The following ACER1 variants were observed in gnomAD, a reference collection of about 807,000 sequenced individuals.
ACER1 encodes CTB-180A7.3.
A neutral mutation model predicts 24.9 loss-of-function variants in ACER1; 28 were observed. That is an observed-to-expected ratio of 1.13 (90% CI 0.83 to 1.54). The LOEUF is 1.54. Ranked by LOEUF, ACER1 falls within the 40% of genes most tolerant of loss-of-function variation. The probability of loss-of-function intolerance (pLI) is 0.00; values close to 1 mark genes in which losing one functional copy is unlikely to be tolerated. For missense variants in ACER1, 352 were observed against 349.3 expected, an observed-to-expected ratio of 1.01 and a Z score of -0.06; for synonymous variants, 132 against 131.4, an observed-to-expected ratio of 1.00 and a Z score of -0.03.
the ACER1 span, among the ~76,000 whole-genome samples, chr19:6,351,690 G>C: frequency 6.6e-6 from 1 of 152,002 alleles, no homozygotes; most frequent in South Asian, 2.1e-4. Context: ...CTGTGATTGC[G>C]CTACTGCACT....
the ACER1 span, among the ~76,000 whole-genome samples, chr19:6,348,465 G>GAAAAAA: frequency 5.9e-5 from 6 of 101,898 alleles, no homozygotes; most frequent in African/African-American, 1.8e-4. Context: ...ACTCCATCTG[G>GAAAAAA]AAAAAAAAAA....
Position 6,326,858 on chromosome 19 carries a change from C to T in ACER1, c.93+6601G>A, listed in dbSNP as rs894203627. Among the ~76,000 whole-genome samples, 6 of 148,468 alleles carry T rather than the reference C, an allele frequency of 4.0e-5. No individual in the cohort carries two copies. In the Admixed American group the frequency reaches 4.1e-4, roughly 10 times the overall value. ...CAACATTCTAACCAAGCATGCGAAC[C>T]GTTACGTCTTCATCTCTCCCCACAT... On this transcript the variant is annotated intron_variant, in intron 1 of 5. Transcript: ENST00000301452.
At chr19:6,333,051 C>T (rs1431885253) in intron 1 of ACER1, among the ~76,000 whole-genome samples, 1 of 152,054 alleles carries the variant, frequency 6.6e-6, no homozygotes, top group Non-Finnish European at 1.5e-5. Flanking sequence ...CAGCTGCAAA[C>T]AAGACAGACA....
chr19:6,336,819 CAAA>C (rs57500077), upstream of ACER1, among the ~76,000 whole-genome samples: 5 of 67,770 alleles, frequency 7.4e-5, no homozygotes, highest in Admixed American at 1.8e-4. Flanking sequence ...GACCCCGACT[CAAA>C]AAAAAAAAAA....
chr19:6,346,856 T>A, the ACER1 span, among the ~76,000 whole-genome samples: 508 of 151,858 alleles, frequency 3.3e-3, 2 homozygotes, highest in Non-Finnish European at 5.4e-3. Context: ...GGGGAGGAGG[T>A]TCTCTGCCCA....
chr19:6,311,087 GT>G (rs1048179639), intron 3 of ACER1, among the ~76,000 whole-genome samples: 2 of 151,842 alleles, frequency 1.3e-5, no homozygotes, highest in African/African-American at 4.8e-5. Context: ...CAGGCAAGGA[GT>G]TCAGGGGATC....
chr19:6,332,360 T>C (rs577554103), intron 1 of ACER1, among the ~76,000 whole-genome samples: 113 of 148,626 alleles, frequency 7.6e-4, no homozygotes, highest in Non-Finnish European at 1.5e-3. Flanking sequence ...ATCCTCCACT[T>C]CTTGGGTTCA....
chr19:6,344,316 C>T, the ACER1 span, among the ~76,000 whole-genome samples: 1 of 151,168 alleles, frequency 6.6e-6, no homozygotes, highest in Non-Finnish European at 1.5e-5. Flanking sequence ...TGGTGGGGCA[C>T]CTTTAATTCC....
rs547030081 is a variant in ACER1, at chr19:6,324,514, T to G, written c.93+8945A>C. Among the ~76,000 whole-genome samples the G allele has an allele frequency of 8.6e-4, 129 of 150,660 alleles. 1 individual carries two copies. The highest frequency in any genetic ancestry group is 3.4e-3 in the Middle Eastern group (1 of 292). On this transcript the variant is annotated intron_variant, in intron 1 of 5. Coordinates refer to ENST00000301452, the MANE Select transcript of ACER1 (RefSeq NM_133492.3). ...GGCTCATGCCTGTAATCCCAGCACTTTGGGAGGCCGAGGCGGGCAGATCAC... is the reference window on the plus strand; with the variant it reads ...GGCTCATGCCTGTAATCCCAGCACTGTGGGAGGCCGAGGCGGGCAGATCAC...
chr19:6,347,885 G>A, the ACER1 span, among the ~76,000 whole-genome samples: 345 of 151,420 alleles, frequency 2.3e-3, 2 homozygotes, highest in African/African-American at 7.7e-3. Context: ...TCCATGACTA[G>A]TGTCCTTATA....
At chr19:6,312,954 A>T (rs989594964) in intron 1 of ACER1, among the ~76,000 whole-genome samples, 12 of 152,140 alleles carry the variant, frequency 7.9e-5, no homozygotes, top group African/African-American at 2.9e-4. Context: ...GTGGGATTAC[A>T]GGTGTGAGCC....
chr19:6,311,282 G>T (rs1362336766), intron 3 of ACER1, among the ~76,000 whole-genome samples: 1 of 152,022 alleles, frequency 6.6e-6, no homozygotes, highest in African/African-American at 2.4e-5. Context: ...AATTTCACTT[G>T]CCTGTAATCC....
chr19:6,337,949 C>T (rs10413129), upstream of ACER1, among the ~76,000 whole-genome samples: 7,534 of 151,080 alleles, frequency 0.05, 287 homozygotes, highest in African/African-American at 0.11. Context: ...AGTGCTGGGA[C>T]TACAGGCGTG....
At position 6,306,730 on chromosome 19, in the gene ACER1, T is replaced by C. The variant is rs767204682; in HGVS notation, c.779A>G (p.Asp260Gly). 7 of 1,610,578 alleles carry C rather than the reference T, an allele frequency of 4.3e-6. No homozygotes were observed. The highest frequency in any genetic ancestry group is 5.9e-6 in the Non-Finnish European group (7 of 1,178,000). ...TGGCAGGTCTCAGCAGTCCTTGTCA[T>C]CACCCCGGATTTCCACGTAGGGCAG... ...VGLPYVEIRGDDKDC is the reference protein window; with the variant it reads ...VGLPYVEIRGGDKDC The change falls in exon 6 of 6, where the codon GAT becomes GGT. Residue 260 changes from aspartate to glycine, a missense_variant. Coordinates refer to ENST00000301452, the MANE Select transcript of ACER1 (RefSeq NM_133492.3).
chr19:6,344,177 G>T, the ACER1 span, among the ~76,000 whole-genome samples: 1 of 152,042 alleles, frequency 6.6e-6, no homozygotes, highest in African/African-American at 2.4e-5. Context: ...GCTGAGGCAG[G>T]AGAATGGCCC....
chr19:6,355,738 A>G, the ACER1 span, among the ~76,000 whole-genome samples: 37 of 119,268 alleles, frequency 3.1e-4, 1 homozygote, highest in African/African-American at 8.5e-4. Flanking sequence ...CGCCCCGTCC[A>G]GGAGGGAGGT....
At chr19:6,325,374 C>G (rs913541307) in intron 1 of ACER1, among the ~76,000 whole-genome samples, 1 of 152,188 alleles carries the variant, frequency 6.6e-6, no homozygotes, top group Non-Finnish European at 1.5e-5. Context: ...AGACCTTGGC[C>G]GGGTGCAGTG....
chr19:6,321,263 G>A (rs181951421), intron 1 of ACER1, among the ~76,000 whole-genome samples: 1 of 151,882 alleles, frequency 6.6e-6, no homozygotes, highest in African/African-American at 2.4e-5. Context: ...AGCCACCTGA[G>A]TAGCTGGGAT....
At chr19:6,349,404 A>AGAAGGAAGGAAAGAAG in the ACER1 span, among the ~76,000 whole-genome samples, 1 of 133,392 alleles carries the variant, frequency 7.5e-6, no homozygotes, top group Non-Finnish European at 1.6e-5. Flanking sequence ...AGGGAGGGAG[A>AGAAGGAAGGAAAGAAG]GAAGGAAGGA....
Sources: gnomAD v4.1 joint callset for allele counts (sites outside exome capture counted in the v4.1 genomes callset) on GRCh38, gnomAD v4.1.1 for gene constraint, MANE v1.5 for transcripts, NCBI Gene and HGNC (gene_info 2026-07-23, HGNC 2026-07-21) for gene names.